The following LRRTM3 variants were observed in gnomAD, a reference collection of about 807,000 sequenced individuals.
LRRTM3 encodes leucine rich repeat transmembrane neuronal 3.
Under a neutral mutation model 44.7 loss-of-function variants are expected in LRRTM3, and 24 were observed. The observed-to-expected ratio is 0.54, with a 90% CI of 0.39 to 0.76. The LOEUF is 0.76. Ranked by LOEUF, LRRTM3 falls within the 30% of genes least tolerant of loss-of-function variation. LRRTM3 has a pLI of 0.00. For synonymous variants in LRRTM3, 277 were observed against 278.7 expected (o/e 0.99, Z 0.06); for missense variants, 587 against 702.2 (o/e 0.84, Z 1.85).
intron 2 of LRRTM3, among the ~76,000 whole-genome samples, chr10:66,995,214 A>C (rs1454959938): frequency 6.6e-6 from 1 of 152,184 alleles, no homozygotes; most frequent in Non-Finnish European, 1.5e-5. Flanking sequence ...TCTCTCCGTG[A>C]ATAGAACCAC....
At chr10:66,977,545 C>A (rs1850120357) in intron 2 of LRRTM3, among the ~76,000 whole-genome samples, 1 of 152,034 alleles carries the variant, frequency 6.6e-6, no homozygotes, top group South Asian at 2.1e-4. Context: ...ACAGAAGGAA[C>A]AATTTTCTAT....
intron 2 of LRRTM3, among the ~76,000 whole-genome samples, chr10:66,995,765 C>CTTTA (rs1243489413): frequency 1.3e-5 from 2 of 152,142 alleles, no homozygotes; most frequent in African/African-American, 4.8e-5. Flanking sequence ...CCCTACTTGC[C>CTTTA]TTTAACCTGA....
rs58941459 is a variant in LRRTM3, at chr10:66,993,694, G to GAA, written c.1536+65256_1536+65257dup. On this transcript the variant is annotated intron_variant, in intron 2 of 2. Transcript: ENST00000361320. ...GCTCTTGCACTAATGATACATAAAT[G>GAA]AAAAAAAAAAAAAAACAGATAAAAC... is the stretch of plus-strand genomic sequence containing the variant. Among the ~76,000 whole-genome samples, 288 of 142,202 alleles carry GAA rather than the reference G, an allele frequency of 2.0e-3. 3 individuals are homozygous for GAA. The highest frequency in any genetic ancestry group is 6.9e-3 in the African/African-American group (270 of 39,198). 93.3% of individuals were successfully genotyped at this position (142,202 alleles called of 152,430 possible).
chr10:67,092,872 T>G (rs1018374911), intron 2 of LRRTM3, among the ~76,000 whole-genome samples: 6 of 152,004 alleles, frequency 3.9e-5, no homozygotes, highest in Admixed American at 3.3e-4. Flanking sequence ...AGAATCGAAA[T>G]TATTCCTAAG....
At chr10:66,943,587 C>G (rs995904671) in intron 2 of LRRTM3, among the ~76,000 whole-genome samples, 1 of 151,496 alleles carries the variant, frequency 6.6e-6, no homozygotes, top group African/African-American at 2.4e-5. Context: ...GAAACTCTCA[C>G]GGCGAGGTGT....
chr10:67,023,722 C>A (rs932925954), intron 2 of LRRTM3, among the ~76,000 whole-genome samples: 1 of 152,120 alleles, frequency 6.6e-6, no homozygotes, highest in African/African-American at 2.4e-5. Flanking sequence ...CTTACAAAGA[C>A]ATCAAGGAAA....
chr10:67,099,302 T>C lies in LRRTM3; in HGVS notation c.*1506T>C, dbSNP rs532049643. 4 of 151,856 alleles carry C rather than the reference T, an allele frequency of 2.6e-5. No individual in the cohort carries two copies. In the South Asian group the frequency reaches 8.3e-4, roughly 31 times the overall value. 9.4% of individuals were successfully genotyped at this position (151,856 alleles called of 1,614,324 possible). On this transcript the variant is annotated 3_prime_UTR_variant, in exon 3 of 3. Transcript: ENST00000361320. ...ATTGTTTGAAAATATTGTTACTTTA[T>C]CAATAGTAATCATGCATTCTTGTGT...
chr10:67,043,176 T>C (rs1952060), intron 2 of LRRTM3, among the ~76,000 whole-genome samples: 67,278 of 148,590 alleles, frequency 0.45, 15,714 homozygotes, highest in Middle Eastern at 0.62. Flanking sequence ...TCTGGGTCCA[T>C]TTCCAACTTT....
chr10:67,022,968 A>T (rs1481807242), intron 2 of LRRTM3, among the ~76,000 whole-genome samples: 2 of 151,992 alleles, frequency 1.3e-5, no homozygotes, highest in Non-Finnish European at 2.9e-5. Context: ...AATAAACTGA[A>T]AACAAAATTT....
At chr10:67,045,875 C>G (rs1589655813) in intron 2 of LRRTM3, among the ~76,000 whole-genome samples, 1 of 152,146 alleles carries the variant, frequency 6.6e-6, no homozygotes, top group African/African-American at 2.4e-5. Flanking sequence ...TTAACCTGGT[C>G]CCCCAAATAA....
intron 2 of LRRTM3, among the ~76,000 whole-genome samples, chr10:67,006,700 C>T (rs1027735108): frequency 6.6e-6 from 1 of 152,150 alleles, no homozygotes; most frequent in Non-Finnish European, 1.5e-5. Context: ...AAGATGTAAA[C>T]ATTTTAATGG....
At chr10:67,015,345 T>C (rs781711830) in intron 2 of LRRTM3, 1 of 152,204 alleles carries the variant, frequency 6.6e-6, no homozygotes, top group African/African-American at 2.4e-5. Flanking sequence ...TCATCATGTA[T>C]GTGCATGCAC....
chr10:67,044,269 GC>G (rs1854590539), intron 2 of LRRTM3, among the ~76,000 whole-genome samples: 1 of 152,100 alleles, frequency 6.6e-6, no homozygotes, highest in Non-Finnish European at 1.5e-5. Context: ...ATTGATTATA[GC>G]CTAATCCAAA....
chr10:66,983,590 T>C (rs574229759), intron 2 of LRRTM3, among the ~76,000 whole-genome samples: 2 of 152,230 alleles, frequency 1.3e-5, no homozygotes, highest in South Asian at 4.2e-4. Context: ...ATTTATTTTG[T>C]ACAACATCAA....
chr10:66,997,286 A>C (rs1391340124), intron 2 of LRRTM3, among the ~76,000 whole-genome samples: 3 of 152,210 alleles, frequency 2.0e-5, no homozygotes, highest in Non-Finnish European at 4.4e-5. Flanking sequence ...ACAATCTCTT[A>C]TAAAAATGAA....
intron 2 of LRRTM3, among the ~76,000 whole-genome samples, chr10:67,036,468 A>C (rs1238614184): frequency 6.6e-6 from 1 of 152,136 alleles, no homozygotes; most frequent in Non-Finnish European, 1.5e-5. Flanking sequence ...GTTTGAGATC[A>C]GCCTGGCCAA....
chr10:67,031,507 T>C (rs1564843150), intron 2 of LRRTM3, among the ~76,000 whole-genome samples: 1 of 152,176 alleles, frequency 6.6e-6, no homozygotes, highest in African/African-American at 2.4e-5. Flanking sequence ...TTCCTGATAA[T>C]TAAAAAGGAA....
chr10:66,929,909 A>G (rs1351189282), intron 2 of LRRTM3, among the ~76,000 whole-genome samples: 1 of 152,214 alleles, frequency 6.6e-6, no homozygotes, highest in African/African-American at 2.4e-5. Flanking sequence ...GAACAGTTCT[A>G]TTATAGAAGC....
At chr10:67,014,700 A>G (rs1852548622) in intron 2 of LRRTM3, among the ~76,000 whole-genome samples, 1 of 152,064 alleles carries the variant, frequency 6.6e-6, no homozygotes, top group South Asian at 2.1e-4. Flanking sequence ...TATATGTCCT[A>G]TATAAAAACT....
Sources: allele counts gnomAD v4.1 joint callset (sites outside exome capture counted in the v4.1 genomes callset), GRCh38; gene constraint gnomAD v4.1.1; transcripts MANE v1.5; gene names NCBI Gene and HGNC (gene_info 2026-07-23, HGNC 2026-07-21).